Variants in BOD1 observed in about 807,000 individuals in gnomAD.
The protein encoded by BOD1 is biorientation of chromosomes in cell division protein 1.
A neutral mutation model predicts 15.7 loss-of-function variants in BOD1; 11 were observed. The observed-to-expected ratio is 0.70, with a 90% CI of 0.44 to 1.16. The LOEUF is 1.16. Ranked by LOEUF, BOD1 falls within the 50% of genes most tolerant of loss-of-function variation. BOD1 has a pLI of 0.00. For missense variants in BOD1, 182 were observed against 244.5 expected, an observed-to-expected ratio of 0.74 and a Z score of 1.70; for synonymous variants, 105 against 103.5, an observed-to-expected ratio of 1.01 and a Z score of -0.09.
Position 173,616,321 on chromosome 5 carries a change from A to C in BOD1, c.116T>G (p.Ile39Ser). ...ATGASGGGGP[I>S]NPASLPPGDP... ...GCCGGGAGGCAGCGAGGCCGGGTTG[A>C]TGGGGCCACCGCCCCCGCTGGCCCC... Residue 39 changes from isoleucine (I) to serine (S), a missense_variant, in exon 1 of 4, where the codon ATC becomes AGC. Physicochemically the swap from Ile to Ser is moderately radical, Grantham distance 142. Coordinates refer to ENST00000311086, the MANE Select transcript of BOD1 (RefSeq NM_138369.3). 1 of 1,534,798 alleles carries C rather than the reference A, an allele frequency of 6.5e-7. No homozygotes were observed. The highest frequency in any genetic ancestry group is 8.7e-7 in the Non-Finnish European group (1 of 1,145,206).
chr5:173,611,211 A>G (rs1234999203), intron 2 of BOD1, among the ~76,000 whole-genome samples: 1 of 152,220 alleles, frequency 6.6e-6, no homozygotes, highest in Non-Finnish European at 1.5e-5. Flanking sequence ...GGAAAAAACA[A>G]ATATTGTACA....
chr5:173,610,397 G>A (rs1209230668), intron 2 of BOD1, among the ~76,000 whole-genome samples: 2 of 152,220 alleles, frequency 1.3e-5, no homozygotes, highest in African/African-American at 4.8e-5. Flanking sequence ...TCATGACAAA[G>A]AAGATAAGAA....
Position 173,607,371 on chromosome 5 carries a change from G to A in BOD1, c.*923C>T, listed in dbSNP as rs1182086380. On this transcript the variant is annotated 3_prime_UTR_variant, in exon 4 of 4. Transcript: ENST00000311086. The stretch of plus-strand genomic sequence containing the variant: ...TAATGGCTCAGGGAGGAGAGAAACA[G>A]CCCACTACTAGCTACACCTACTAGT... 6.6e-6 allele frequency: 1 copy of A among 152,170 alleles called. No individual in the cohort carries two copies. Among genetic ancestry groups the A allele is most frequent in the Non-Finnish European group, 1.5e-5 (1 of 68,040 alleles). 9.4% of individuals were successfully genotyped at this position (152,170 alleles called of 1,614,324 possible).
chr5:173,614,437 C>T (rs1011574999), intron 1 of BOD1, among the ~76,000 whole-genome samples: 1 of 152,224 alleles, frequency 6.6e-6, no homozygotes, highest in Non-Finnish European at 1.5e-5. Context: ...CCACTCATAA[C>T]GTTTTACTGT....
chr5:173,613,453 A>G (rs1755409625), intron 1 of BOD1, among the ~76,000 whole-genome samples, 198 bp from the exon 2 acceptor site: 1 of 152,188 alleles, frequency 6.6e-6, no homozygotes. Flanking sequence ...GGTGGGCACA[A>G]TGCCAGGCGC....
intron 2 of BOD1, among the ~76,000 whole-genome samples, chr5:173,610,563 G>A (rs774039033): frequency 5.9e-5 from 9 of 152,054 alleles, no homozygotes; most frequent in Admixed American, 2.0e-4. Flanking sequence ...AGACAGTATC[G>A]GCCCTTAGTG....
At position 173,616,611 on chromosome 5, in the gene BOD1, C is replaced by T; in HGVS notation, c.-175G>A. The T allele has an allele frequency of 1.5e-6, 2 of 1,346,198 alleles. No individual in the cohort carries two copies. The highest frequency in any genetic ancestry group is 3.1e-5 in the East Asian group (1 of 31,966). 83.4% of individuals were successfully genotyped at this position (1,346,198 alleles called of 1,614,324 possible). On this transcript the variant is annotated 5_prime_UTR_variant, in exon 1 of 4. Transcript: ENST00000311086. Reference sequence around the variant, plus strand: ...GTGGGGGCGGCGGCGGCGAAGGCCCCCTCTGATACAGCAGAGGTTGTGGTG... The same window carrying T: ...GTGGGGGCGGCGGCGGCGAAGGCCCTCTCTGATACAGCAGAGGTTGTGGTG...
chr5:173,616,117 C>T, intron 1 of BOD1, 83 bp downstream of exon 1: 3 of 1,507,018 alleles, frequency 2.0e-6, no homozygotes, highest in South Asian at 2.4e-5. Context: ...TTTTGTTTTG[C>T]TCTCGGCTTT....
At chr5:173,613,856 T>C (rs1036980524) in intron 1 of BOD1, among the ~76,000 whole-genome samples, 15 of 152,238 alleles carry the variant, frequency 9.9e-5, no homozygotes, top group Non-Finnish European at 1.6e-4. Flanking sequence ...AGATACCATG[T>C]GCTATCTGCC....
intron 1 of BOD1, among the ~76,000 whole-genome samples, chr5:173,613,701 C>T (rs538450824): frequency 6.6e-6 from 1 of 152,306 alleles, no homozygotes; most frequent in African/African-American, 2.4e-5. Context: ...TGCTAACAGT[C>T]AGGGAAATGA....
rs181608988 is a variant in BOD1 at position 173,610,754 on chromosome 5, C to A, written c.363-1320G>T. On this transcript the variant is annotated intron_variant, in intron 2 of 3. Coordinates refer to ENST00000311086, the MANE Select transcript of BOD1 (RefSeq NM_138369.3). The stretch of plus-strand genomic sequence containing the variant: ...GATATTATCAACTAAATGCCTGTGT[C>A]CCCCAGACTTCCTATGTTGAAATCT... Among the ~76,000 whole-genome samples, 27 of 152,318 alleles carry A rather than the reference C, an allele frequency of 1.8e-4. No homozygotes were observed. The East Asian group carries it at 5.2e-3, about 29-fold the overall frequency.
At chr5:173,608,393 A>G in intron 3 of BOD1, 101 bp from the exon 4 acceptor site, 1 of 1,000,336 alleles carries the variant, frequency 1.0e-6, no homozygotes, top group South Asian at 1.4e-5. Context: ...AGAAAGACTT[A>G]AAATGAATGT....
At chr5:173,611,284 C>A (rs548588364) in intron 2 of BOD1, among the ~76,000 whole-genome samples, 1 of 152,350 alleles carries the variant, frequency 6.6e-6, no homozygotes, top group Admixed American at 6.5e-5. Context: ...GTTAAACCCT[C>A]TAGGCTGTGG....
At chr5:173,615,847 G>C (rs1344228523) in intron 1 of BOD1, among the ~76,000 whole-genome samples, 2 of 152,194 alleles carry the variant, frequency 1.3e-5, no homozygotes, top group Non-Finnish European at 2.9e-5. Context: ...GTACGGAACA[G>C]GTGGAAATTC....
rs780180548 is a variant in BOD1 at position 173,609,330 on chromosome 5, A to G, written c.467T>C (p.Phe156Ser). ...RPQIERAIHE[F>S]LAAQKKAAVP... ...AGCTGCTTTTTTCTGGGCCGCCAGG[A>G]ACTCATGAATTGCTCGTTCTATTTG... The change falls in exon 3 of 4, where the codon TTC becomes TCC. Residue 156 changes from phenylalanine to serine, a missense_variant. Coordinates refer to ENST00000311086, the MANE Select transcript of BOD1 (RefSeq NM_138369.3). The G allele has an allele frequency of 1.2e-6, 2 of 1,614,180 alleles. No homozygotes were observed. Among genetic ancestry groups the G allele is most frequent in the Non-Finnish European group, 1.7e-6 (2 of 1,180,040 alleles).
Position 173,616,590 on chromosome 5 carries a change from G to GGGCGGCGGCGGC in BOD1, c.-166_-155dup, listed in dbSNP as rs1302755731. Reference sequence around the variant, plus strand: ...GCGATGGCGGCAGGGGCGGTGGTGGGGGCGGCGGCGGCGAAGGCCCCCTCT... The same window carrying GGGCGGCGGCGGC: ...GCGATGGCGGCAGGGGCGGTGGTGGGGGCGGCGGCGGCGGCGGCGGCGGCGAAGGCCCCCTCT... On this transcript the variant is annotated 5_prime_UTR_variant, in exon 1 of 4. Coordinates refer to ENST00000311086, the MANE Select transcript of BOD1 (RefSeq NM_138369.3). The GGGCGGCGGCGGC allele has an allele frequency of 9.6e-6, 13 of 1,356,776 alleles. No individual in the cohort carries two copies. The highest frequency in any genetic ancestry group is 8.0e-5 in the Admixed American group (2 of 25,040). 84.0% of individuals were successfully genotyped at this position (1,356,776 alleles called of 1,614,324 possible).
Position 173,616,274 on chromosome 5 carries a change from T to C in BOD1, c.163A>G (p.Ile55Val). The change falls in exon 1 of 4, where the codon ATC becomes GTC. Residue 55 changes from isoleucine (I) to valine (V), a missense_variant. Coordinates refer to ENST00000311086, the MANE Select transcript of BOD1 (RefSeq NM_138369.3). ...CCCCGGCTCTTGAGCTGCTCCACGA[T>C]GAGAGCGATGAGCTGCGGGTCGCCG... Reference protein sequence around the residue: ...PPGDPQLIALIVEQLKSRGLF... With the variant: ...PPGDPQLIALVVEQLKSRGLF... The C allele has an allele frequency of 6.4e-7, 1 of 1,556,592 alleles. No individual in the cohort carries two copies. The highest frequency in any genetic ancestry group is 8.7e-7 in the Non-Finnish European group (1 of 1,152,622).
chr5:173,616,056 C>CG, intron 1 of BOD1, 144 bp downstream of exon 1: 1 of 1,010,128 alleles, frequency 9.9e-7, no homozygotes, highest in Non-Finnish European at 1.4e-6. Flanking sequence ...GAAAGCTCTC[C>CG]GTACTGCCCC....
At chr5:173,609,856 G>A (rs1275734717) in intron 2 of BOD1, 1 of 166,344 alleles carries the variant, frequency 6.0e-6, no homozygotes, top group African/African-American at 2.4e-5. Context: ...CTAAGCAGAA[G>A]TAGCTCCAGC....
Sources: gnomAD v4.1 joint callset for allele counts (sites outside exome capture counted in the v4.1 genomes callset) on GRCh38, gnomAD v4.1.1 for gene constraint, MANE v1.5 for transcripts, NCBI Gene and HGNC (gene_info 2026-07-23, HGNC 2026-07-21) for gene names.